Variants in UBAP2L observed in about 807,000 individuals in gnomAD.
The protein encoded by UBAP2L is ubiquitin associated protein 2 like.
A neutral mutation model predicts 130.6 loss-of-function variants in UBAP2L; 12 were observed. The ratio of observed to expected loss-of-function variants is 0.09; its 90% CI spans 0.06 to 0.15. UBAP2L has a LOEUF of 0.15. Ranked by LOEUF, UBAP2L falls within the 10% of genes least tolerant of loss-of-function variation. The probability of loss-of-function intolerance (pLI) is 1.00; values close to 1 mark genes in which losing one functional copy is unlikely to be tolerated. For missense variants in UBAP2L, 965 were observed against 1,332.5 expected, an observed-to-expected ratio of 0.72 and a Z score of 4.29; for synonymous variants, 503 against 524.7, an observed-to-expected ratio of 0.96 and a Z score of 0.57.
Position 154,235,237 on chromosome 1 carries a change from G to A in UBAP2L, c.490G>A (p.Gly164Arg). 1.3e-6 allele frequency: 1 copy of A among 779,244 alleles called. No individual in the cohort carries two copies. Among genetic ancestry groups the A allele is most frequent in the Middle Eastern group, 2.3e-4 (1 of 4,434 alleles). 48.3% of individuals were successfully genotyped at this position (779,244 alleles called of 1,614,324 possible). A position where few individuals can be genotyped will look rare whatever the true frequency, so the allele number is the denominator to read the frequency against. ...ENGLDGTKSGGPSGRGTERGR... is the reference protein window; with the variant it reads ...ENGLDGTKSGRPSGRGTERGR... ...TGGATTGGATGGCACCAAGAGTGGA[G>A]GGCCTTCTGGAAGAGGAACAGAAAG... The change falls in exon 6 of 27, where the codon GGG becomes AGG. Residue 164 changes from glycine to arginine, a missense_variant. Physicochemically the swap from Gly to Arg is moderately radical, Grantham distance 125. This residue lies in a region of UBAP2L where 109 missense variants were observed against 146.6 expected (regional missense o/e 0.74). Coordinates refer to ENST00000428931, the MANE Select transcript of UBAP2L (RefSeq NM_014847.4).
intron 24 of UBAP2L, among the ~76,000 whole-genome samples, chr1:154,265,308 G>A (rs1333588766): frequency 6.6e-6 from 1 of 152,118 alleles, no homozygotes; most frequent in East Asian, 1.9e-4. Flanking sequence ...TTGTGATTTG[G>A]CCACTCTAGT....
At chr1:154,251,385 A>G (rs1279336917) in intron 13 of UBAP2L, 67 bp downstream of exon 13, 7 of 1,577,256 alleles carry the variant, frequency 4.4e-6, no homozygotes, top group African/African-American at 1.4e-5. Flanking sequence ...TTGAGATTAA[A>G]AGGGTAAGTT....
Position 154,270,679 on chromosome 1 carries a change from T to A in UBAP2L, c.*384T>A, listed in dbSNP as rs1168953104. The A allele has an allele frequency of 1.2e-5, 17 of 1,410,942 alleles. No individual in the cohort carries two copies. Among genetic ancestry groups the A allele is most frequent in the Admixed American group, 6.1e-5 (2 of 32,968 alleles). 87.4% of individuals were successfully genotyped at this position (1,410,942 alleles called of 1,614,324 possible). ...CAGCCCTAAGTCTCCTTCTTTATTA[T>A]TAGGAAAACAACAACAACAACAAAC... On this transcript the variant is annotated 3_prime_UTR_variant, in exon 27 of 27. Transcript: ENST00000428931.
Position 154,257,240 on chromosome 1 carries a change from T to A in UBAP2L, c.2335T>A (p.Ser779Thr), listed in dbSNP as rs376285759. ...CACTGTCACAGCCTCGACTCGAAGC[T>A]CAGTTGCTACGACTTCAGGTAGCCT... ...NSTVTASTRS[S>T]VATTSGKAPP... Residue 779 changes from serine (S) to threonine (T), a missense_variant, in exon 19 of 27, where the codon TCA becomes ACA. Around this residue, in one of 9 missense-constraint regions of UBAP2L, gnomAD observed 393 missense variants for 408.1 expected, o/e 0.96. Coordinates refer to ENST00000428931, the MANE Select transcript of UBAP2L (RefSeq NM_014847.4). 6.2e-7 allele frequency: 1 copy of A among 1,614,064 alleles called. No individual in the cohort carries two copies. Among genetic ancestry groups the A allele is most frequent in the Admixed American group, 1.7e-5 (1 of 60,004 alleles).
At chr1:154,249,864 C>CA (rs1187501487) in intron 12 of UBAP2L, among the ~76,000 whole-genome samples, 1,413 of 60,984 alleles carry the variant, frequency 0.023, 24 homozygotes, top group African/African-American at 0.06. Context: ...TAGCTTTCCG[C>CA]AAAAAAAAAA....
intron 3 of UBAP2L, among the ~76,000 whole-genome samples, chr1:154,227,652 T>C (rs1345928073): frequency 6.6e-6 from 1 of 151,892 alleles, no homozygotes; most frequent in Non-Finnish European, 1.5e-5. Flanking sequence ...GTTCAAGCGA[T>C]TCTCGTGCTT....
At chr1:154,229,548 C>T (rs1669119600) in intron 4 of UBAP2L, among the ~76,000 whole-genome samples, 1 of 152,030 alleles carries the variant, frequency 6.6e-6, no homozygotes, top group South Asian at 2.1e-4. Flanking sequence ...GCTGCAACCT[C>T]CTCGTCCTGG....
chr1:154,220,295 A>G, upstream of UBAP2L: 1 of 1,606,752 alleles, frequency 6.2e-7, no homozygotes, highest in South Asian at 1.1e-5. Flanking sequence ...GAGGGTCTCT[A>G]CTGGGTAAGA....
At chr1:154,223,768 C>T (rs866029515) in intron 1 of UBAP2L, among the ~76,000 whole-genome samples, 1 of 152,194 alleles carries the variant, frequency 6.6e-6, no homozygotes, top group Non-Finnish European at 1.5e-5. Flanking sequence ...AAAAAGTCAG[C>T]TTTCTCTGTG....
intron 6 of UBAP2L, 77 bp from the exon 7 acceptor site, chr1:154,236,489 T>A (rs1671727249): frequency 6.5e-7 from 1 of 1,529,068 alleles, no homozygotes; most frequent in Admixed American, 1.7e-5. Context: ...CGGGAGCCAC[T>A]GTGCCTGCCT....
chr1:154,248,491 A>G (rs1306753954), intron 11 of UBAP2L, among the ~76,000 whole-genome samples: 2 of 152,098 alleles, frequency 1.3e-5, no homozygotes, highest in Non-Finnish European at 2.9e-5. Context: ...GTAAAATCTT[A>G]TATTACATTT....
chr1:154,269,903 GGA>G (rs773217323), intron 26 of UBAP2L, among the ~76,000 whole-genome samples: 42 of 152,280 alleles, frequency 2.8e-4, no homozygotes, highest in Admixed American at 2.2e-3. Context: ...CAAGAGCAGG[GGA>G]GAGAGGGGGT....
At chr1:154,237,930 T>C (rs1486197995) in intron 8 of UBAP2L, among the ~76,000 whole-genome samples, 1 of 152,176 alleles carries the variant, frequency 6.6e-6, no homozygotes, top group Non-Finnish European at 1.5e-5. Flanking sequence ...GTAAGAAAAC[T>C]CTGGAGTGCT....
In UBAP2L at chr1:154,257,255, T is replaced by G. The variant is rs770940898; in HGVS notation, c.2350T>G (p.Ser784Ala). ...ASTRSSVATT[S>A]GKAPPNLPPG... ...GACTCGAAGCTCAGTTGCTACGACT[T>G]CAGGTAGCCTTGCATAAGCAGATGG... Residue 784 changes from serine (S) to alanine (A), a missense_variant, in exon 19 of 27, where the codon TCA becomes GCA. Physicochemically the swap from Ser to Ala is moderately conservative, Grantham distance 99. This residue lies in a region of UBAP2L where 393 missense variants were observed against 408.1 expected (regional missense o/e 0.96). Transcript: ENST00000428931. 6.2e-6 allele frequency: 10 copies of G among 1,614,202 alleles called. No individual in the cohort carries two copies. In the Admixed American group the frequency reaches 1.5e-4, roughly 24 times the overall value.
chr1:154,232,268 G>A (rs1318482988), intron 4 of UBAP2L, among the ~76,000 whole-genome samples: 1 of 151,048 alleles, frequency 6.6e-6, no homozygotes. Context: ...AGGTTGCAGT[G>A]AGCCGAGATC....
At chr1:154,241,643 C>A in intron 9 of UBAP2L, 78 bp downstream of exon 9, 1 of 1,587,004 alleles carries the variant, frequency 6.3e-7, no homozygotes, top group South Asian at 1.1e-5. Context: ...GGGTATGTTT[C>A]TACCCCTCAA....
chr1:154,242,497 A>C (rs942332807), intron 9 of UBAP2L, among the ~76,000 whole-genome samples: 1 of 152,232 alleles, frequency 6.6e-6, no homozygotes, highest in East Asian at 1.9e-4. Flanking sequence ...CCGCTTAAGC[A>C]ACTTTCAGAG....
chr1:154,235,571 G>A (rs4406621), intron 6 of UBAP2L, among the ~76,000 whole-genome samples: 9,810 of 151,858 alleles, frequency 0.065, 1,079 homozygotes, highest in African/African-American at 0.22. Flanking sequence ...GTGCAGTGGC[G>A]CGATCTTGGC....
intron 12 of UBAP2L, 33 bp downstream of exon 12, chr1:154,249,470 A>G (rs1676748243): frequency 1.7e-5 from 28 of 1,612,934 alleles, no homozygotes; most frequent in Non-Finnish European, 2.4e-5. Flanking sequence ...GAATCTTTAA[A>G]GCATTGGAGC....
Sources: allele counts gnomAD v4.1 joint callset (sites outside exome capture counted in the v4.1 genomes callset), GRCh38; gene constraint gnomAD v4.1.1; regional missense constraint gnomAD v4.1.1; transcripts MANE v1.5; gene names NCBI Gene and HGNC (gene_info 2026-07-23, HGNC 2026-07-21).